The following FOXN3 variants were observed in gnomAD, a reference collection of about 807,000 sequenced individuals.
FOXN3 encodes forkhead box N3.
A neutral mutation model predicts 38.4 loss-of-function variants in FOXN3; 7 were observed. The ratio of observed to expected loss-of-function variants is 0.18; its 90% CI spans 0.10 to 0.34. The LOEUF (loss-of-function observed/expected upper bound fraction) is 0.34. Ranked by LOEUF, FOXN3 falls within the 10% of genes least tolerant of loss-of-function variation. FOXN3 has a pLI of 1.00. For missense variants in FOXN3, 456 were observed against 613.4 expected (o/e 0.74, Z 2.71); for synonymous variants, 230 against 242.2 (o/e 0.95, Z 0.47).
intron 1 of FOXN3, among the ~76,000 whole-genome samples, chr14:89,613,065 C>T (rs1441254276): frequency 1.5e-5 from 2 of 134,958 alleles, no homozygotes; most frequent in African/African-American, 2.9e-5. Context: ...TGCAGTCAGC[C>T]GAGATCGCGC....
At chr14:89,221,656 G>C (rs907948350) in intron 4 of FOXN3, among the ~76,000 whole-genome samples, 1 of 152,140 alleles carries the variant, frequency 6.6e-6, no homozygotes, top group African/African-American at 2.4e-5. Context: ...GCCACTGTTT[G>C]TCTTATGCAG....
intron 1 of FOXN3, among the ~76,000 whole-genome samples, chr14:89,502,067 C>T (rs1348359863): frequency 2.0e-5 from 3 of 152,108 alleles, no homozygotes; most frequent in African/African-American, 4.8e-5. Flanking sequence ...ACGCGGGAGG[C>T]CTAAGCAGGG....
At chr14:89,209,940 G>A (rs142252705) in intron 4 of FOXN3, among the ~76,000 whole-genome samples, 87 of 152,246 alleles carry the variant, frequency 5.7e-4, no homozygotes, top group African/African-American at 2.0e-3. Flanking sequence ...GAAACTTTTC[G>A]GTGGGAAATT....
intron 1 of FOXN3, among the ~76,000 whole-genome samples, chr14:89,617,477 G>GA (rs1165275229): frequency 6.6e-6 from 1 of 152,202 alleles, no homozygotes; most frequent in East Asian, 1.9e-4. Context: ...CTTAGTGCAT[G>GA]AAACGTGCTA....
chr14:89,574,418 T>C (rs1377223013), intron 1 of FOXN3, among the ~76,000 whole-genome samples: 2 of 152,176 alleles, frequency 1.3e-5, no homozygotes, highest in Non-Finnish European at 2.9e-5. Flanking sequence ...GATAATGGCC[T>C]GGCAGGGATA....
At chr14:89,358,916 A>G (rs1889344185) in intron 2 of FOXN3, among the ~76,000 whole-genome samples, 1 of 152,160 alleles carries the variant, frequency 6.6e-6, no homozygotes, top group Non-Finnish European at 1.5e-5. Flanking sequence ...TCATCCATAA[A>G]ATGGGAGTGA....
At chr14:89,313,719 G>A (rs1887640526) in intron 3 of FOXN3, among the ~76,000 whole-genome samples, 1 of 152,184 alleles carries the variant, frequency 6.6e-6, no homozygotes, top group Admixed American at 6.5e-5. Context: ...AGTATTCACA[G>A]TAGCAACCCA....
intron 1 of FOXN3, among the ~76,000 whole-genome samples, chr14:89,556,683 C>CAA (rs1895134120): frequency 1.3e-5 from 2 of 152,160 alleles, no homozygotes; most frequent in African/African-American, 4.8e-5. Flanking sequence ...AGAAAGGTAA[C>CAA]AAGTCATGTG....
chr14:89,232,266 G>A (rs1243087804), intron 4 of FOXN3, among the ~76,000 whole-genome samples: 1 of 152,196 alleles, frequency 6.6e-6, no homozygotes, highest in Admixed American at 6.5e-5. Context: ...GGATACATGT[G>A]TCTGAAACTT....
rs144479621 is a variant in FOXN3, at chr14:89,270,020, T to C, written c.745+10930A>G. 9.2e-5 allele frequency among the ~76,000 whole-genome samples: 14 copies of C among 152,352 alleles called. No homozygotes were observed. The East Asian group carries it at 2.5e-3, about 27-fold the overall frequency. On this transcript the variant is annotated intron_variant, in intron 4 of 5. Transcript: ENST00000557258. ...TGTCACAGTGATTGATTCGCTGTGC[T>C]AAGGCAGAACGGACCTGGACCTGGC...
At chr14:89,363,323 T>C (rs1180904259) in intron 2 of FOXN3, among the ~76,000 whole-genome samples, 2 of 152,178 alleles carry the variant, frequency 1.3e-5, no homozygotes, top group Non-Finnish European at 2.9e-5. Flanking sequence ...CCCAGGGTCA[T>C]GTGTCTCTTT....
In FOXN3 at chr14:89,213,976, C is replaced by T. The variant is rs541225364; in HGVS notation, c.746-33170G>A. Among the ~76,000 whole-genome samples the T allele has an allele frequency of 9.2e-5, 14 of 152,228 alleles. No individual in the cohort carries two copies. The East Asian group carries it at 1.9e-3, about 21-fold the overall frequency. ...GGTCTTTACTCAATGAGTTTTCTCA[C>T]GGATCTTTAAAGAGTTTAAAAACTA... On this transcript the variant is annotated intron_variant, in intron 4 of 5. Coordinates refer to ENST00000557258, the MANE Select transcript of FOXN3 (RefSeq NM_005197.4).
intron 4 of FOXN3, among the ~76,000 whole-genome samples, chr14:89,225,881 T>A (rs1333361277): frequency 6.6e-6 from 1 of 152,146 alleles, no homozygotes; most frequent in Non-Finnish European, 1.5e-5. Context: ...CGTTTTAACA[T>A]CTTCACTCAG....
intron 2 of FOXN3, among the ~76,000 whole-genome samples, chr14:89,377,436 G>A (rs757925528): frequency 2.0e-5 from 3 of 152,186 alleles, no homozygotes; most frequent in Non-Finnish European, 2.9e-5. Flanking sequence ...TGACAATAGC[G>A]TGGGGTTATA....
rs559060181 is a variant in FOXN3, at chr14:89,428,334, C to T, written c.-14-15844G>A. On this transcript the variant is annotated intron_variant, in intron 1 of 6. Transcript: ENST00000345097. ...CCTTTCTGTTTTGAAATCCTCACTC[C>T]TTCCCAAAATAGTGTATCTTGTGCC... Among the ~76,000 whole-genome samples, 509 of 152,318 alleles carry T rather than the reference C, an allele frequency of 3.3e-3. 3 individuals are homozygous for T. The highest frequency in any genetic ancestry group is 0.011 in the African/African-American group (475 of 41,572).
chr14:89,397,993 C>T (rs1395430895), intron 2 of FOXN3, among the ~76,000 whole-genome samples: 2 of 152,176 alleles, frequency 1.3e-5, no homozygotes, highest in African/African-American at 2.4e-5. Context: ...TCCTCTCTCC[C>T]TGTCGCCAGC....
chr14:89,616,130 C>T (rs944812250), intron 1 of FOXN3, among the ~76,000 whole-genome samples: 3 of 151,294 alleles, frequency 2.0e-5, no homozygotes, highest in Admixed American at 6.6e-5. Flanking sequence ...TTACAAGGTT[C>T]GATGTTGATC....
At chr14:89,215,757 AT>A (rs1884259336) in intron 4 of FOXN3, among the ~76,000 whole-genome samples, 1 of 152,198 alleles carries the variant, frequency 6.6e-6, no homozygotes. Context: ...AGTCAGGAGA[AT>A]TTGTTGGCCC....
chr14:89,220,344 T>C (rs1475352296), intron 4 of FOXN3, among the ~76,000 whole-genome samples: 1 of 152,180 alleles, frequency 6.6e-6, no homozygotes, highest in Non-Finnish European at 1.5e-5. Context: ...TTTTCTTATC[T>C]GTAAAATGGG....
Sources: gnomAD v4.1 joint callset for allele counts (sites outside exome capture counted in the v4.1 genomes callset) on GRCh38, gnomAD v4.1.1 for gene constraint, MANE v1.5 for transcripts, NCBI Gene and HGNC (gene_info 2026-07-23, HGNC 2026-07-21) for gene names.